The following TTL variants were observed in gnomAD, a reference collection of about 807,000 sequenced individuals.
TTL encodes tubulin tyrosine ligase.
Under a neutral mutation model 41.1 loss-of-function variants are expected in TTL, and 10 were observed. The observed-to-expected ratio is 0.24, with a 90% CI of 0.15 to 0.41. The LOEUF is 0.41. Among genes scored for constraint, TTL ranks in the 10% least tolerant of loss-of-function variants. The probability of loss-of-function intolerance (pLI) is 1.00; values close to 1 mark genes in which losing one functional copy is unlikely to be tolerated. For synonymous variants in TTL, 175 were observed against 175.5 expected (o/e 1.00, Z 0.02); for missense variants, 367 against 460.4 (o/e 0.80, Z 1.86).
intron 3 of TTL, among the ~76,000 whole-genome samples, chr2:112,496,157 G>A (rs1474568861): frequency 6.6e-6 from 1 of 152,174 alleles, no homozygotes; most frequent in Non-Finnish European, 1.5e-5. Context: ...GTTTGGGATT[G>A]GAGTCAGAAT....
At chr2:112,487,858 C>T (rs1681281913) in intron 2 of TTL, among the ~76,000 whole-genome samples, 1 of 152,184 alleles carries the variant, frequency 6.6e-6, no homozygotes, top group South Asian at 2.1e-4. Flanking sequence ...CCATTTGTCT[C>T]TCTCCCATGA....
chr2:112,489,370 A>C (rs34892661), intron 2 of TTL, among the ~76,000 whole-genome samples: 16,988 of 152,260 alleles, frequency 0.11, 1,135 homozygotes, highest in Non-Finnish European at 0.16. Flanking sequence ...TTTTTCAACA[A>C]CTTTGAAAGC....
intron 3 of TTL, among the ~76,000 whole-genome samples, 166 bp from the exon 4 acceptor site, chr2:112,501,040 G>A (rs1309648177): frequency 6.7e-5 from 10 of 148,192 alleles, no homozygotes; most frequent in Non-Finnish European, 1.3e-4. Flanking sequence ...GCTCTTGAGG[G>A]GAGAAGGGAG....
At chr2:112,493,493 G>C (rs1350945378) in intron 2 of TTL, among the ~76,000 whole-genome samples, 1 of 152,142 alleles carries the variant, frequency 6.6e-6, no homozygotes, top group Admixed American at 6.5e-5. Flanking sequence ...TAGCTCCAGG[G>C]GTCTGATTGC....
At chr2:112,523,378 G>A (rs1050654458) in intron 6 of TTL, among the ~76,000 whole-genome samples, 12 of 124,802 alleles carry the variant, frequency 9.6e-5, no homozygotes, top group South Asian at 2.7e-4. Context: ...GTGTGTATCC[G>A]CCCCTTCTTC....
chr2:112,501,655 G>A (rs1434713798), intron 4 of TTL, among the ~76,000 whole-genome samples: 1 of 152,098 alleles, frequency 6.6e-6, no homozygotes, highest in Non-Finnish European at 1.5e-5. Context: ...ATCACCTGAG[G>A]TCAGGAGTTC....
intron 1 of TTL, among the ~76,000 whole-genome samples, chr2:112,484,286 CAG>C (rs1681179134): frequency 1.3e-5 from 2 of 148,312 alleles, no homozygotes; most frequent in Admixed American, 6.8e-5. Context: ...TGTTTTGCGA[CAG>C]AGTCTCACTC....
intron 6 of TTL, 112 bp from the exon 7 acceptor site, chr2:112,528,569 A>C: frequency 1.2e-6 from 1 of 824,446 alleles, no homozygotes; most frequent in East Asian, 2.6e-5. Flanking sequence ...GCACCACTGC[A>C]TGCCAACTTG....
At chr2:112,492,458 C>T (rs888160623) in intron 2 of TTL, among the ~76,000 whole-genome samples, 2 of 151,684 alleles carry the variant, frequency 1.3e-5, no homozygotes, top group East Asian at 1.9e-4. Flanking sequence ...GGGCCGGGCG[C>T]GGTGGCTCAC....
chr2:112,522,738 C>T (rs141599539), intron 6 of TTL, among the ~76,000 whole-genome samples: 3 of 152,254 alleles, frequency 2.0e-5, no homozygotes, highest in Non-Finnish European at 4.4e-5. Context: ...AGACTAAGCT[C>T]GAACCTGACA....
rs1682458401 is a variant in TTL at position 112,529,644 on chromosome 2, C to T, written c.*849C>T. On this transcript the variant is annotated 3_prime_UTR_variant, in exon 7 of 7. Coordinates refer to ENST00000233336, the MANE Select transcript of TTL (RefSeq NM_153712.5). ...TTTTCTTTTTTTACTTTTTTTTAAA[C>T]GTTTGTAAAAACCTCTTTGAGGATG... 1 of 219,200 alleles carries T rather than the reference C, an allele frequency of 4.6e-6. No individual in the cohort carries two copies. Among genetic ancestry groups the T allele is most frequent in the East Asian group, 6.7e-5 (1 of 14,980 alleles). The allele number at this position is 219,200 out of a possible 1,614,324, so 13.6% of individuals were successfully genotyped here.
chr2:112,491,390 T>C (rs59920746), intron 2 of TTL, among the ~76,000 whole-genome samples: 25,257 of 152,210 alleles, frequency 0.17, 2,363 homozygotes, highest in East Asian at 0.3. Flanking sequence ...ACAGCATCTT[T>C]TATGTCACAC....
chr2:112,502,148 GCCCT>G (rs1028261319), intron 4 of TTL, among the ~76,000 whole-genome samples: 8 of 152,182 alleles, frequency 5.3e-5, no homozygotes, highest in Admixed American at 1.3e-4. Flanking sequence ...AAGCTAAACA[GCCCT>G]CCCTCTCCAA....
chr2:112,487,907 A>G (rs1419283472), intron 2 of TTL, among the ~76,000 whole-genome samples: 1 of 151,742 alleles, frequency 6.6e-6, no homozygotes, highest in Non-Finnish European at 1.5e-5. Flanking sequence ...AGTTAGAAAT[A>G]AAGTCTCCTT....
intron 2 of TTL, among the ~76,000 whole-genome samples, chr2:112,490,938 C>G (rs72946337): frequency 0.019 from 2,869 of 151,978 alleles, 69 homozygotes; most frequent in African/African-American, 0.049. Flanking sequence ...AAATTTTTTG[C>G]ATGTAGGTAA....
At chr2:112,503,210 G>A (rs373832227) in intron 5 of TTL, 29 bp downstream of exon 5, 71 of 1,531,132 alleles carry the variant, frequency 4.6e-5, no homozygotes, top group Admixed American at 3.1e-4. Context: ...TTTGGATTAC[G>A]TGTTTCTTCT....
intron 5 of TTL, among the ~76,000 whole-genome samples, chr2:112,509,721 C>T (rs1027644122): frequency 6.6e-6 from 1 of 152,218 alleles, no homozygotes; most frequent in Admixed American, 6.5e-5. Context: ...GTCTGGCACT[C>T]CCTAGTGAGA....
At chr2:112,519,994 G>T (rs1483944653) in intron 5 of TTL, among the ~76,000 whole-genome samples, 12 of 152,010 alleles carry the variant, frequency 7.9e-5, no homozygotes, top group Admixed American at 5.9e-4. Flanking sequence ...GCTGGGTGCG[G>T]TGGCGCATGC....
chr2:112,528,951 T>C lies in TTL; in HGVS notation c.*156T>C. The stretch of plus-strand genomic sequence containing the variant: ...AAGGCACGTGAGCAGAGGAGGCAGC[T>C]CCCAAAGAGAGGGCTGCTCAGGGGG... On this transcript the variant is annotated 3_prime_UTR_variant, in exon 7 of 7. Transcript: ENST00000233336. 1 of 654,106 alleles carries C rather than the reference T, an allele frequency of 1.5e-6. No homozygotes were observed. The allele number at this position is 654,106 out of a possible 1,614,324, so 40.5% of individuals were successfully genotyped here.
Sources: allele counts gnomAD v4.1 joint callset (sites outside exome capture counted in the v4.1 genomes callset), GRCh38; gene constraint gnomAD v4.1.1; transcripts MANE v1.5; gene names NCBI Gene and HGNC (gene_info 2026-07-23, HGNC 2026-07-21).